Variants in PAOX observed in about 807,000 individuals in gnomAD.
The protein encoded by PAOX is peroxisomal N(1)-acetyl-spermine/spermidine oxidase.
Under a neutral mutation model 39.0 loss-of-function variants are expected in PAOX, and 38 were observed. The observed-to-expected ratio is 0.97, with a 90% confidence interval of 0.75 to 1.28. The LOEUF (loss-of-function observed/expected upper bound fraction) is 1.28, where lower values mean the gene tolerates loss of function less well. PAOX is among the 50% of genes most tolerant of loss of function. PAOX has a pLI of 0.00. For synonymous variants in PAOX, 311 were observed against 314.4 expected (o/e 0.99, Z 0.11); for missense variants, 667 against 685.7 (o/e 0.97, Z 0.30).
intron 3 of PAOX, among the ~76,000 whole-genome samples, chr10:133,382,145 G>A (rs1047427724): frequency 2.6e-5 from 4 of 152,200 alleles, no homozygotes; most frequent in Admixed American, 1.3e-4. Flanking sequence ...GCTGTCAACT[G>A]GACATTTGCT....
At chr10:133,381,202 A>G (rs949404557) in intron 2 of PAOX, among the ~76,000 whole-genome samples, 1 of 152,238 alleles carries the variant, frequency 6.6e-6, no homozygotes, top group Non-Finnish European at 1.5e-5. Context: ...TGTGGTGGTA[A>G]GGAGGAAGCC....
Position 133,379,337 on chromosome 10 carries a change from CG to C in PAOX, c.25del (p.Glu9ArgfsTer105), listed in dbSNP as rs1192677480. Reference sequence around the variant, plus strand: ...GCGCGATGGAGTCGACCGGCAGCGTCGGGGAGGCCCCGGGCGGACCCCGGGT... The same window carrying C: ...GCGCGATGGAGTCGACCGGCAGCGTCGGGAGGCCCCGGGCGGACCCCGGGT... MESTGSVGEAPGGPRVLV... is the reference protein window; with the variant it reads MESTGSVXEAPGGPRVLV... On this transcript the variant is annotated frameshift_variant, in exon 1 of 7. Coordinates refer to ENST00000278060, the MANE Select transcript of PAOX (RefSeq NM_152911.4). LOFTEE classifies it high-confidence loss of function. 1 of 1,217,290 alleles carries C rather than the reference CG, an allele frequency of 8.2e-7. No individual in the cohort carries two copies. 75.4% of individuals were successfully genotyped at this position (1,217,290 alleles called of 1,614,324 possible). A position where few individuals can be genotyped will look rare whatever the true frequency, so the allele number is the denominator to read the frequency against.
intron 1 of PAOX, 173 bp from the exon 2 acceptor site, chr10:133,379,826 G>A: frequency 2.5e-6 from 2 of 806,430 alleles, no homozygotes; most frequent in African/African-American, 1.7e-5. Context: ...CTGCCCAGGT[G>A]CTCCCCTTAA....
rs559225199 is a variant in PAOX at position 133,389,811 on chromosome 10, C to T, written c.1392+64C>T. ...TGCAGAGGCCCCCGCCGAGTCTGGG[C>T]GCTGCAGGAGCACCAGCCAGTGGCG... On this transcript the variant is annotated intron_variant, in intron 6 of 6. Transcript: ENST00000278060. 1,692 of 1,388,660 alleles carry T rather than the reference C, an allele frequency of 1.2e-3. 54 individuals are homozygous for T. In the East Asian group the frequency reaches 0.041, roughly 34 times the overall value. 86.0% of individuals were successfully genotyped at this position (1,388,660 alleles called of 1,614,324 possible).
At position 133,380,382 on chromosome 10, in the gene PAOX, A is replaced by C. The variant is rs1849331927; in HGVS notation, c.565A>C (p.Asn189His). Reference protein sequence around the residue: ...LKLAVLNSFFNLECCVSGTHS... With the variant: ...LKLAVLNSFFHLECCVSGTHS... ...GCTGGCCGTCCTGAACTCCTTCTTC[A>C]ACCTGGAATGCTGTGTGAGCGGCAC... The change falls in exon 2 of 7, where the codon AAC (asparagine) becomes CAC (histidine). Residue 189 changes from asparagine to histidine, a missense_variant. Coordinates refer to ENST00000278060, the MANE Select transcript of PAOX (RefSeq NM_152911.4). 1 of 1,612,804 alleles carries C rather than the reference A, an allele frequency of 6.2e-7. No homozygotes were observed. Among genetic ancestry groups the C allele is most frequent in the African/African-American group, 1.3e-5 (1 of 74,944 alleles).
At position 133,379,489 on chromosome 10, in the gene PAOX, G is replaced by A; in HGVS notation, c.173G>A (p.Arg58His). 8.2e-7 allele frequency: 1 copy of A among 1,225,394 alleles called. No individual in the cohort carries two copies. The highest frequency in any genetic ancestry group is 3.2e-5 in the East Asian group (1 of 31,158). The allele number at this position is 1,225,394 out of a possible 1,614,324, so 75.9% of individuals were successfully genotyped here. A position where few individuals can be genotyped will look rare whatever the true frequency, so the allele number is the denominator to read the frequency against. Residue 58 changes from arginine to histidine, a missense_variant, in exon 1 of 7, where the codon CGC becomes CAC. Physicochemically the swap from Arg to His is conservative, Grantham distance 29. Coordinates refer to ENST00000278060, the MANE Select transcript of PAOX (RefSeq NM_152911.4). ...GCCGGGGGCCGCATCCGCTCGGAGC[G>A]CTGCTTCGGTAACCGCCCCTCCCGG... ...ARAGGRIRSE[R>H]CFGGVVEVGA...
At position 133,379,544 on chromosome 10, in the gene PAOX, C is replaced by T. The variant is rs1333550013; in HGVS notation, c.181+47C>T. On this transcript the variant is annotated intron_variant, in intron 1 of 6. Coordinates refer to ENST00000278060, the MANE Select transcript of PAOX (RefSeq NM_152911.4). ...CCTCCCGGAACCCAACCGGCTGCGCCCGAACTCGCCGGCCCCAACCTGCCC... is the reference window on the plus strand; with the variant it reads ...CCTCCCGGAACCCAACCGGCTGCGCTCGAACTCGCCGGCCCCAACCTGCCC... The T allele has an allele frequency of 1.1e-5, 14 of 1,217,852 alleles. No individual in the cohort carries two copies. In the East Asian group the frequency reaches 4.5e-4, roughly 39 times the overall value. The allele number at this position is 1,217,852 out of a possible 1,614,324, so 75.4% of individuals were successfully genotyped here.
At chr10:133,388,460 C>T (rs367908749) in intron 4 of PAOX, among the ~76,000 whole-genome samples, 16 of 152,352 alleles carry the variant, frequency 1.1e-4, no homozygotes, top group African/African-American at 3.8e-4. Flanking sequence ...TGATCTCGTT[C>T]TTTGACGGCT....
chr10:133,380,973 A>C (rs1849352121), intron 2 of PAOX, among the ~76,000 whole-genome samples: 1 of 152,242 alleles, frequency 6.6e-6, no homozygotes, highest in Admixed American at 6.5e-5. Context: ...GTGAGACTCC[A>C]TCTCAAAAGA....
rs1849600028 is a variant in PAOX, at chr10:133,389,050, G to A, written c.1216G>A (p.Val406Met). The A allele has an allele frequency of 1.2e-6, 2 of 1,613,662 alleles. No homozygotes were observed. Among genetic ancestry groups the A allele is most frequent in the South Asian group, 2.2e-5 (2 of 91,068 alleles). ...AGAAGTACTTCTGTGTCTCACCCAA[G>A]TGCTCCGGAGAGTGACAGGTAGGTA... is the stretch of plus-strand genomic sequence containing the variant. ...DEEVLLCLTQ[V>M]LRRVTGNPRL... Residue 406 changes from valine (V) to methionine (M), a missense_variant, in exon 5 of 7, where the codon GTG becomes ATG. Physicochemically the swap from Val to Met is conservative, Grantham distance 21. Transcript: ENST00000278060.
At chr10:133,385,863 A>G (rs958633020) in intron 4 of PAOX, among the ~76,000 whole-genome samples, 12 of 152,020 alleles carry the variant, frequency 7.9e-5, no homozygotes, top group Non-Finnish European at 1.2e-4. Flanking sequence ...GATTACAGGC[A>G]TGAGCCACCG....
intron 4 of PAOX, among the ~76,000 whole-genome samples, chr10:133,387,550 T>G (rs1021364032): frequency 4.6e-5 from 7 of 152,196 alleles, no homozygotes; most frequent in East Asian, 1.9e-4. Context: ...CAAGAAAATG[T>G]CACCAAATAC....
intron 3 of PAOX, among the ~76,000 whole-genome samples, chr10:133,382,656 C>T (rs1438892295): frequency 6.6e-6 from 1 of 152,060 alleles, no homozygotes. Context: ...GTGGCAGGCA[C>T]CTGTAATTCC....
chr10:133,387,484 T>C (rs1462605809), intron 4 of PAOX, among the ~76,000 whole-genome samples: 2 of 152,250 alleles, frequency 1.3e-5, no homozygotes, highest in African/African-American at 4.8e-5. Context: ...TTTGTCATTG[T>C]CTATAAATAC....
intron 3 of PAOX, among the ~76,000 whole-genome samples, chr10:133,383,383 A>G (rs1849447019): frequency 6.6e-6 from 1 of 151,414 alleles, no homozygotes; most frequent in Non-Finnish European, 1.5e-5. Context: ...CAGGTAGATC[A>G]CCTGAGGTCA....
chr10:133,381,631 G>A lies in PAOX; in HGVS notation c.840G>A (p.Ala280=), dbSNP rs762289526. 5.9e-5 allele frequency: 95 copies of A among 1,613,104 alleles called. No homozygotes were observed. The highest frequency in any genetic ancestry group is 7.4e-5 in the Non-Finnish European group (87 of 1,180,006). ...GTGAGGATGGAGACCGGTTCCCGGC[G>A]CACCATGTCATCGTCACCGTGCCCT... ...VECEDGDRFP[A]HHVIVTVPLG... is the part of the protein sequence containing the mutation. The change falls in exon 3 of 7, where the codon GCG becomes GCA. Residue 280 remains alanine (A), a synonymous_variant. Coordinates refer to ENST00000278060, the MANE Select transcript of PAOX (RefSeq NM_152911.4).
At chr10:133,389,843 C>T in intron 6 of PAOX, 96 bp downstream of exon 6, 1 of 1,297,306 alleles carries the variant, frequency 7.7e-7, no homozygotes. Context: ...GGCGGGTGGG[C>T]TGGGATCCCA....
In PAOX at chr10:133,384,141, G is replaced by A; in HGVS notation, c.1050G>A (p.Glu350=). ...QLVWEDTSPL[E]DAAPELQDAW... ...TGTGGGAGGACACGTCGCCCCTGGA[G>A]GATGCTGCCCCTGAGCTACAGGACG... The change falls in exon 4 of 7, where the codon GAG becomes GAA. Residue 350 remains glutamate (E), a synonymous_variant. Coordinates refer to ENST00000278060, the MANE Select transcript of PAOX (RefSeq NM_152911.4). The surrounding 1 kb of genome is among the most constrained non-coding windows in gnomAD (Gnocchi z 4.3). 4 of 1,614,186 alleles carry A rather than the reference G, an allele frequency of 2.5e-6. No individual in the cohort carries two copies. Among genetic ancestry groups the A allele is most frequent in the Non-Finnish European group, 2.5e-6 (3 of 1,180,032 alleles).
intron 2 of PAOX, 101 bp from the exon 3 acceptor site, chr10:133,381,359 A>C (rs1849368540): frequency 8.8e-7 from 1 of 1,135,534 alleles, no homozygotes; most frequent in Admixed American, 2.0e-5. Flanking sequence ...AGCTCCCCGC[A>C]GCTACCTTTG....
Sources: gnomAD v4.1 joint callset for allele counts (sites outside exome capture counted in the v4.1 genomes callset) on GRCh38, gnomAD v4.1.1 for gene constraint, Gnocchi (gnomAD v3.1) non-coding constraint, MANE v1.5 for transcripts, NCBI Gene and HGNC (gene_info 2026-07-23, HGNC 2026-07-21) for gene names.